Variants in ITGB8 observed in about 807,000 individuals in gnomAD.
ITGB8 encodes the protein integrin subunit beta 8.
ITGB8 carries 30 observed loss-of-function variants against 89.5 expected under a neutral mutation model. The observed-to-expected ratio is 0.34, with a 90% CI of 0.25 to 0.45. The LOEUF (loss-of-function observed/expected upper bound fraction) is 0.45. Among genes scored for constraint, ITGB8 ranks in the 20% least tolerant of loss-of-function variants. The probability of loss-of-function intolerance (pLI) is 1.00; values close to 1 mark genes in which losing one functional copy is unlikely to be tolerated. For missense variants in ITGB8, 836 were observed against 933.3 expected (o/e 0.90, Z 1.36); for synonymous variants, 335 against 320.4 (o/e 1.05, Z -0.49).
intron 1 of ITGB8, among the ~76,000 whole-genome samples, chr7:20,359,557 C>A (rs1469960959): frequency 6.6e-6 from 1 of 152,164 alleles, no homozygotes; most frequent in African/African-American, 2.4e-5. Context: ...AAGCTGAAGA[C>A]AGACTGTCCG....
chr7:20,365,940 C>T (rs952535488), intron 2 of ITGB8: 6 of 148,312 alleles, frequency 4.0e-5, no homozygotes, highest in Non-Finnish European at 5.9e-5. Flanking sequence ...ATGGTAACAA[C>T]GTAAACCTGG....
At chr7:20,388,348 AC>A (rs1786711400) in intron 6 of ITGB8, among the ~76,000 whole-genome samples, 1 of 152,214 alleles carries the variant, frequency 6.6e-6, no homozygotes, top group South Asian at 2.1e-4. Context: ...CAGTGATGTC[AC>A]CAGAACAGGA....
intron 1 of ITGB8, 122 bp downstream of exon 1, chr7:20,332,055 G>A (rs1784420603): frequency 1.4e-6 from 2 of 1,470,768 alleles, no homozygotes; most frequent in Non-Finnish European, 1.8e-6. Flanking sequence ...ACTTCAAGGG[G>A]GCGGGTGCGG....
rs565974875 is a variant in ITGB8 at position 20,349,071 on chromosome 7, C to T, written c.128-14566C>T. On this transcript the variant is annotated intron_variant, in intron 1 of 13. Transcript: ENST00000222573. ...TTTCTACCGATGATATTAAACTGAA[C>T]GAATGTTAATTGAAAATTATAAGAT... Among the ~76,000 whole-genome samples, 51 of 152,042 alleles carry T rather than the reference C, an allele frequency of 3.4e-4. 2 individuals are homozygous for T. Among genetic ancestry groups the T allele is most frequent in the South Asian group, 8.3e-4 (4 of 4,818 alleles).
chr7:20,342,952 A>G (rs1482174988), intron 1 of ITGB8, among the ~76,000 whole-genome samples: 2 of 152,174 alleles, frequency 1.3e-5, no homozygotes, highest in East Asian at 1.9e-4. Flanking sequence ...GAGACATCCT[A>G]TTGCCTCAGT....
chr7:20,390,634 T>C (rs1218633818), intron 6 of ITGB8, among the ~76,000 whole-genome samples: 1 of 152,132 alleles, frequency 6.6e-6, no homozygotes, highest in Non-Finnish European at 1.5e-5. Context: ...TTGAGAAATC[T>C]GTAATCTATA....
At chr7:20,405,046 A>T (rs1415025700) in intron 11 of ITGB8, among the ~76,000 whole-genome samples, 193 bp downstream of exon 11, 1 of 152,188 alleles carries the variant, frequency 6.6e-6, no homozygotes, top group Non-Finnish European at 1.5e-5. Context: ...GAAGCATCAG[A>T]GTATATCTGG....
chr7:20,401,665 G>A (rs1425188116), intron 9 of ITGB8, 56 bp from the exon 10 acceptor site: 13 of 1,020,020 alleles, frequency 1.3e-5, no homozygotes, highest in African/African-American at 6.5e-5. Flanking sequence ...ATATAATATT[G>A]GTAATAAAAA....
chr7:20,389,427 A>G (rs1002376206), intron 6 of ITGB8, among the ~76,000 whole-genome samples: 2 of 152,184 alleles, frequency 1.3e-5, no homozygotes, highest in African/African-American at 4.8e-5. Context: ...TTCTAGATTT[A>G]AGTTTTATGT....
At chr7:20,369,024 C>G (rs1044610753) in intron 3 of ITGB8, among the ~76,000 whole-genome samples, 23 of 152,206 alleles carry the variant, frequency 1.5e-4, no homozygotes, top group Non-Finnish European at 1.6e-4. Flanking sequence ...TTTCAGCTTT[C>G]TGACTCAAAT....
Position 20,355,115 on chromosome 7 carries a change from C to A in ITGB8, c.128-8522C>A, listed in dbSNP as rs373120017. On this transcript the variant is annotated intron_variant, in intron 1 of 13. Transcript: ENST00000222573. ...AGGAATTGCCCTCCACCAAAAGGAG[C>A]CACATTGCTTAGAGATGCCTGGAAC... Among the ~76,000 whole-genome samples the A allele has an allele frequency of 5.9e-5, 9 of 152,314 alleles. No homozygotes were observed. The East Asian group carries it at 1.7e-3, about 29-fold the overall frequency.
chr7:20,347,844 G>C (rs1784980839), intron 1 of ITGB8, among the ~76,000 whole-genome samples: 2 of 152,164 alleles, frequency 1.3e-5, no homozygotes, highest in South Asian at 2.1e-4. Flanking sequence ...AGTTGAGAGA[G>C]CAATGTGAAA....
intron 6 of ITGB8, among the ~76,000 whole-genome samples, chr7:20,386,254 T>TTTTC (rs1388577248): frequency 6.6e-6 from 1 of 151,500 alleles, no homozygotes; most frequent in Non-Finnish European, 1.5e-5. Context: ...TTTTTTTTTT[T>TTTTC]TTGAGACGGA....
chr7:20,381,858 C>G lies in ITGB8; in HGVS notation c.933C>G (p.Asn311Lys). ...VPNDGNCHLK[N>K]NVYVKSTTME... ...ATGACGGAAACTGTCATCTGAAAAACAACGTCTATGTCAAATCGACAACCA... is the reference window on the plus strand; with the variant it reads ...ATGACGGAAACTGTCATCTGAAAAAGAACGTCTATGTCAAATCGACAACCA... Residue 311 changes from asparagine (N) to lysine (K), a missense_variant, in exon 6 of 14, where the codon AAC (asparagine) becomes AAG (lysine). Around this residue, in one of 5 missense-constraint regions of ITGB8, gnomAD observed 192 missense variants for 267.1 expected, o/e 0.72. Coordinates refer to ENST00000222573, the MANE Select transcript of ITGB8 (RefSeq NM_002214.3). 2 of 1,613,658 alleles carry G rather than the reference C, an allele frequency of 1.2e-6. No individual in the cohort carries two copies. The highest frequency in any genetic ancestry group is 2.7e-5 in the African/African-American group (2 of 74,996).
Position 20,380,394 on chromosome 7 carries a change from A to C in ITGB8, c.636-272A>C. On this transcript the variant is annotated intron_variant, in intron 4 of 13. Transcript: ENST00000222573. The stretch of plus-strand genomic sequence containing the variant: ...TTCACAGCGCAGATTAAATATTGAA[A>C]GCCTTTAACTGTCCTATATTAAAAA... 1.6e-5 allele frequency: 5 copies of C among 315,306 alleles called. No homozygotes were observed. In the South Asian group the frequency reaches 1.7e-4, roughly 11 times the overall value. The allele number at this position is 315,306 out of a possible 1,614,324, so 19.5% of individuals were successfully genotyped here.
intron 3 of ITGB8, among the ~76,000 whole-genome samples, chr7:20,370,505 G>A (rs1427207631): frequency 6.6e-6 from 1 of 150,972 alleles, no homozygotes; most frequent in African/African-American, 2.4e-5. Flanking sequence ...ATGCTTTCAT[G>A]AGCAGAAATG....
rs144579358 is a variant in ITGB8 at position 20,347,449 on chromosome 7, A to G, written c.127+15516A>G. The stretch of plus-strand genomic sequence containing the variant: ...CAAATGATCGATAAGGAAGGCCTCA[A>G]CTAGGATGGATCCATGGGAATGGAA... On this transcript the variant is annotated intron_variant, in intron 1 of 13. Coordinates refer to ENST00000222573, the MANE Select transcript of ITGB8 (RefSeq NM_002214.3). Among the ~76,000 whole-genome samples, 19 of 152,326 alleles carry G rather than the reference A, an allele frequency of 1.2e-4. No homozygotes were observed. The East Asian group carries it at 2.7e-3, about 22-fold the overall frequency.
At chr7:20,375,096 C>G (rs531445848) in intron 3 of ITGB8, among the ~76,000 whole-genome samples, 1 of 151,954 alleles carries the variant, frequency 6.6e-6, no homozygotes, top group Admixed American at 6.6e-5. Flanking sequence ...AACTAAACTA[C>G]TAGATTCTTA....
At chr7:20,376,275 T>C (rs1297201818) in intron 3 of ITGB8, among the ~76,000 whole-genome samples, 1 of 152,158 alleles carries the variant, frequency 6.6e-6, no homozygotes, top group Non-Finnish European at 1.5e-5. Context: ...AGTGGAGATT[T>C]TCCTGGAAAC....
Sources: allele counts gnomAD v4.1 joint callset (sites outside exome capture counted in the v4.1 genomes callset), GRCh38; gene constraint gnomAD v4.1.1; regional missense constraint gnomAD v4.1.1; transcripts MANE v1.5; gene names NCBI Gene and HGNC (gene_info 2026-07-23, HGNC 2026-07-21).